CPNE4: variants seen among roughly 807,000 people sequenced by gnomAD.
CPNE4 encodes copine-4.
A neutral mutation model predicts 67.9 loss-of-function variants in CPNE4; 25 were observed. The observed-to-expected ratio is 0.37, with a 90% CI of 0.27 to 0.51. The LOEUF (loss-of-function observed/expected upper bound fraction) is 0.51. Among genes scored for constraint, CPNE4 ranks in the 20% least tolerant of loss-of-function variants. CPNE4 has a pLI of 0.93. For missense variants in CPNE4, 464 were observed against 690.8 expected (o/e 0.67, Z 3.68); for synonymous variants, 242 against 244.9 (o/e 0.99, Z 0.11).
chr3:131,778,998 C>T (rs1436935396), intron 2 of CPNE4, among the ~76,000 whole-genome samples: 4 of 152,028 alleles, frequency 2.6e-5, no homozygotes, highest in African/African-American at 9.7e-5. Context: ...TTTTATGATA[C>T]AGAATCAATG....
chr3:131,577,406 A>G (rs1937578156), intron 9 of CPNE4, among the ~76,000 whole-genome samples: 1 of 152,136 alleles, frequency 6.6e-6, no homozygotes, highest in Non-Finnish European at 1.5e-5. Context: ...CATAGAGTAT[A>G]CTTACACAAA....
rs151273241 is a variant in CPNE4, at chr3:131,851,856, C to G, written c.180+53408G>C. ...CCTTGTTACTTTATAGATGAAGAAA[C>G]AGAGACATGGGCAGAAGTGGATTTC... On this transcript the variant is annotated intron_variant, in intron 2 of 15. Transcript: ENST00000429747. Among the ~76,000 whole-genome samples the G allele has an allele frequency of 5.7e-3, 862 of 152,086 alleles. 4 individuals carry two copies. The highest frequency in any genetic ancestry group is 8.7e-3 in the Non-Finnish European group (589 of 67,944).
chr3:132,024,247 C>T (rs1176228793), intron 1 of CPNE4, among the ~76,000 whole-genome samples: 2 of 151,930 alleles, frequency 1.3e-5, no homozygotes, highest in East Asian at 3.9e-4. Flanking sequence ...CCACGCCGGG[C>T]TAATTTTTGT....
chr3:132,035,147 C>T (rs571385713), upstream of CPNE4: 5 of 796,616 alleles, frequency 6.3e-6, no homozygotes, highest in African/African-American at 1.9e-5. Flanking sequence ...GCCTTGGCGG[C>T]GGCGCTCTCC....
At chr3:131,799,186 G>A (rs917853238) in intron 2 of CPNE4, among the ~76,000 whole-genome samples, 9 of 152,146 alleles carry the variant, frequency 5.9e-5, no homozygotes, top group South Asian at 2.1e-4. Context: ...AGATATAATC[G>A]AGTTAGGAAA....
In CPNE4 at chr3:131,659,674, G is replaced by C. The variant is rs2080075187; in HGVS notation, c.681+10001C>G. Among the ~76,000 whole-genome samples, 3 of 152,190 alleles carry C rather than the reference G, an allele frequency of 2.0e-5. No homozygotes were observed. In the South Asian group the frequency reaches 6.2e-4, roughly 32 times the overall value. The stretch of plus-strand genomic sequence containing the variant: ...TTTTTTCAATAAAACAGTTTGGCCA[G>C]GTTGTACCATCTCTTTTGGCCTCTT... On this transcript the variant is annotated intron_variant, in intron 7 of 15. Transcript: ENST00000429747.
intron 7 of CPNE4, among the ~76,000 whole-genome samples, chr3:131,614,165 T>C (rs1210751279): frequency 1.3e-5 from 2 of 152,174 alleles, no homozygotes; most frequent in Non-Finnish European, 2.9e-5. Flanking sequence ...ACTGTGAAGG[T>C]ATAGAATCCA....
At chr3:131,752,485 A>G (rs964334789) in intron 2 of CPNE4, among the ~76,000 whole-genome samples, 1 of 152,132 alleles carries the variant, frequency 6.6e-6, no homozygotes, top group Non-Finnish European at 1.5e-5. Flanking sequence ...ATAAGGCAGA[A>G]AAACAAACAA....
chr3:132,012,724 T>A (rs1300130035), intron 1 of CPNE4, among the ~76,000 whole-genome samples: 1 of 152,178 alleles, frequency 6.6e-6, no homozygotes, highest in Non-Finnish European at 1.5e-5. Flanking sequence ...ATTGATGTAA[T>A]GCAGTAAGAA....
intron 1 of CPNE4, among the ~76,000 whole-genome samples, chr3:132,001,592 AAAGAAAG>A (rs1285768555): frequency 6.6e-6 from 1 of 151,184 alleles, no homozygotes; most frequent in Non-Finnish European, 1.5e-5. Context: ...AGAAAGAAAG[AAAGAAAG>A]AAAGAAAGAA....
intron 7 of CPNE4, among the ~76,000 whole-genome samples, chr3:131,659,666 T>G (rs779194474): frequency 2.0e-5 from 3 of 152,094 alleles, no homozygotes; most frequent in Non-Finnish European, 2.9e-5. Flanking sequence ...AATAAAACAG[T>G]TTGGCCAGGT....
chr3:131,868,169 A>G (rs1489217675), intron 2 of CPNE4, among the ~76,000 whole-genome samples: 1 of 152,078 alleles, frequency 6.6e-6, no homozygotes, highest in Non-Finnish European at 1.5e-5. Flanking sequence ...CCCTGATGTC[A>G]TTTCTTTTGT....
chr3:131,864,365 A>G (rs1373060671), intron 2 of CPNE4, among the ~76,000 whole-genome samples: 2 of 151,992 alleles, frequency 1.3e-5, no homozygotes, highest in Admixed American at 1.3e-4. Context: ...ATTTCTTTGT[A>G]TCCTCTTTTA....
intron 7 of CPNE4, among the ~76,000 whole-genome samples, chr3:131,667,107 C>T (rs2080282444): frequency 6.6e-6 from 1 of 152,156 alleles, no homozygotes; most frequent in South Asian, 2.1e-4. Flanking sequence ...GGGATAGGAA[C>T]ACAGTGTGAC....
chr3:131,865,989 T>G (rs1010676911), intron 2 of CPNE4, among the ~76,000 whole-genome samples: 1 of 152,160 alleles, frequency 6.6e-6, no homozygotes. Flanking sequence ...GGCTCACACA[T>G]CATTTATTGC....
intron 2 of CPNE4, among the ~76,000 whole-genome samples, chr3:131,766,768 A>C (rs116406749): frequency 0.011 from 1,693 of 152,290 alleles, 29 homozygotes; most frequent in African/African-American, 0.039. Context: ...TATGTAATGA[A>C]ATCGCAAGTC....
At chr3:131,894,799 A>G (rs980989685) in intron 2 of CPNE4, among the ~76,000 whole-genome samples, 2 of 152,004 alleles carry the variant, frequency 1.3e-5, no homozygotes, top group Admixed American at 6.6e-5. Context: ...GAAAAATAGT[A>G]TGAAGTTTCT....
chr3:131,731,090 C>T (rs2082116817), intron 2 of CPNE4, among the ~76,000 whole-genome samples: 1 of 152,200 alleles, frequency 6.6e-6, no homozygotes, highest in South Asian at 2.1e-4. Context: ...AAGTGTCTTT[C>T]TCCCACTTTC....
At chr3:131,824,477 C>G (rs1386055845) in intron 2 of CPNE4, among the ~76,000 whole-genome samples, 1 of 152,150 alleles carries the variant, frequency 6.6e-6, no homozygotes, top group Non-Finnish European at 1.5e-5. Context: ...ACAGCATGAC[C>G]TGGTGCCTAG....
Sources: gnomAD v4.1 joint callset for allele counts (sites outside exome capture counted in the v4.1 genomes callset) on GRCh38, gnomAD v4.1.1 for gene constraint, MANE v1.5 for transcripts, NCBI Gene and HGNC (gene_info 2026-07-23, HGNC 2026-07-21) for gene names.